The following ADCY2 variants were observed in gnomAD, a reference collection of about 807,000 sequenced individuals.
ADCY2 encodes adenylate cyclase type 2.
A neutral mutation model predicts 125.2 loss-of-function variants in ADCY2; 31 were observed. That is an observed-to-expected ratio of 0.25 (90% CI 0.19 to 0.33). ADCY2 has a LOEUF of 0.33. Among genes scored for constraint, ADCY2 ranks in the 10% least tolerant of loss-of-function variants. ADCY2 has a pLI of 1.00. For synonymous variants in ADCY2, 512 were observed against 548.4 expected, an observed-to-expected ratio of 0.93 and a Z score of 0.93; for missense variants, 904 against 1,418.2, an observed-to-expected ratio of 0.64 and a Z score of 5.82.
intron 4 of ADCY2, among the ~76,000 whole-genome samples, chr5:7,635,810 A>G (rs1236583219): frequency 6.6e-6 from 1 of 152,178 alleles, no homozygotes; most frequent in African/African-American, 2.4e-5. Flanking sequence ...AGAAAAATCA[A>G]CCAGTTATAT....
rs73051867 is a variant in ADCY2, at chr5:7,660,996, T to G, written c.721-29695T>G. Among the ~76,000 whole-genome samples, 347 of 152,286 alleles carry G rather than the reference T, an allele frequency of 2.3e-3. 1 individual carries two copies. Among genetic ancestry groups the G allele is most frequent in the African/African-American group, 8.0e-3 (333 of 41,560 alleles). Reference sequence around the variant, plus strand: ...AAGCAATGTAGAAACTCAAAAAATCTTCACTGCATGACTGGCTTCCCTAAG... The same window carrying G: ...AAGCAATGTAGAAACTCAAAAAATCGTCACTGCATGACTGGCTTCCCTAAG... On this transcript the variant is annotated intron_variant, in intron 4 of 24. Coordinates refer to ENST00000338316, the MANE Select transcript of ADCY2 (RefSeq NM_020546.3).
At chr5:7,544,281 CA>C (rs1255152634) in intron 3 of ADCY2, among the ~76,000 whole-genome samples, 1 of 152,152 alleles carries the variant, frequency 6.6e-6, no homozygotes, top group Non-Finnish European at 1.5e-5. Context: ...TGGCCTGAAA[CA>C]ATACACATTT....
chr5:7,803,607 G>C (rs1231793314), intron 21 of ADCY2, among the ~76,000 whole-genome samples: 2 of 152,164 alleles, frequency 1.3e-5, no homozygotes, highest in Admixed American at 1.3e-4. Context: ...ACAAGAAATA[G>C]TAGGGCTCGG....
At chr5:7,741,359 T>C (rs928793809) in intron 14 of ADCY2, among the ~76,000 whole-genome samples, 1 of 152,176 alleles carries the variant, frequency 6.6e-6, no homozygotes, top group Admixed American at 6.5e-5. Context: ...CTTCCCTGTG[T>C]ATCAGTTTCT....
chr5:7,535,486 T>G (rs1399918238), intron 3 of ADCY2, among the ~76,000 whole-genome samples: 2 of 152,218 alleles, frequency 1.3e-5, no homozygotes, highest in Non-Finnish European at 2.9e-5. Context: ...TAATAGGCAG[T>G]TCTTTCTTGT....
At chr5:7,625,785 C>T (rs1166451914) in intron 3 of ADCY2, among the ~76,000 whole-genome samples, 2 of 152,120 alleles carry the variant, frequency 1.3e-5, no homozygotes, top group Admixed American at 1.3e-4. Flanking sequence ...GTGGGCTACC[C>T]GGAAGTGTTC....
intron 2 of ADCY2, among the ~76,000 whole-genome samples, chr5:7,505,854 C>T (rs1012059205): frequency 1.2e-4 from 18 of 152,160 alleles, no homozygotes; most frequent in African/African-American, 2.9e-4. Context: ...TCATCTGAAG[C>T]GCTGGCCTTT....
chr5:7,820,733 G>A, intron 24 of ADCY2, 44 bp downstream of exon 24: 1 of 1,581,420 alleles, frequency 6.3e-7, no homozygotes. Flanking sequence ...AACCATGTCT[G>A]TTCTCTTGGG....
chr5:7,816,992 A>C lies in ADCY2; in HGVS notation c.2998+12A>C, dbSNP rs780527995. 2.9e-5 allele frequency: 47 copies of C among 1,604,156 alleles called. No individual in the cohort carries two copies. The East Asian group carries it at 1.0e-3, about 34-fold the overall frequency. ...CAAATTGCGAGTGGGTACGTTCTGC[A>C]AAAGAGGTCTCGGTTTCAGTTGTGG... On this transcript the variant is annotated intron_variant, in intron 23 of 24. Transcript: ENST00000338316.
chr5:7,674,081 G>GTC (rs1199589839), intron 4 of ADCY2, among the ~76,000 whole-genome samples: 1 of 1,498 alleles, frequency 6.7e-4, no homozygotes, highest in Non-Finnish European at 0.022. Flanking sequence ...CAGTCTCAGC[G>GTC]TGTGTCGTCA....
intron 3 of ADCY2, among the ~76,000 whole-genome samples, chr5:7,614,498 A>G (rs1388148292): frequency 2.0e-5 from 3 of 152,354 alleles, no homozygotes; most frequent in Admixed American, 1.3e-4. Flanking sequence ...TCCTGGAGAC[A>G]GAATCTTATC....
intron 3 of ADCY2, among the ~76,000 whole-genome samples, chr5:7,612,277 A>G (rs1561124769): frequency 6.6e-6 from 1 of 152,254 alleles, no homozygotes; most frequent in East Asian, 1.9e-4. Flanking sequence ...CTCAAGAAAG[A>G]CAAGTCTTTT....
At chr5:7,430,946 C>A (rs1006063073) in intron 2 of ADCY2, among the ~76,000 whole-genome samples, 5 of 152,038 alleles carry the variant, frequency 3.3e-5, no homozygotes, top group Non-Finnish European at 7.4e-5. Context: ...GTTAATTCTC[C>A]CCAAATTTAA....
intron 15 of ADCY2, among the ~76,000 whole-genome samples, chr5:7,754,338 G>A (rs1358062566): frequency 6.6e-6 from 1 of 152,066 alleles, no homozygotes; most frequent in Non-Finnish European, 1.5e-5. Context: ...GTAATAACTA[G>A]CTAATATTTT....
intron 24 of ADCY2, among the ~76,000 whole-genome samples, chr5:7,825,953 G>A (rs942498606): frequency 6.6e-6 from 1 of 152,198 alleles, no homozygotes; most frequent in African/African-American, 2.4e-5. Context: ...TCAGCTGCCG[G>A]GTCCCTCGCC....
chr5:7,450,077 A>G (rs763971488), intron 2 of ADCY2, among the ~76,000 whole-genome samples: 2 of 152,190 alleles, frequency 1.3e-5, no homozygotes, highest in Non-Finnish European at 2.9e-5. Context: ...AATTAGGCCA[A>G]TTAATAACCC....
intron 4 of ADCY2, among the ~76,000 whole-genome samples, chr5:7,679,497 AC>A (rs1740252338): frequency 1.3e-5 from 2 of 152,130 alleles, no homozygotes; most frequent in Non-Finnish European, 2.9e-5. Flanking sequence ...GAAAAGGAGG[AC>A]AGGAGGAGAG....
chr5:7,719,995 T>C (rs1561186243), intron 12 of ADCY2, among the ~76,000 whole-genome samples: 1 of 147,774 alleles, frequency 6.8e-6, no homozygotes, highest in African/African-American at 2.5e-5. Context: ...TTTCCTTTAG[T>C]TTCCGTAACC....
At chr5:7,728,326 A>G (rs956447880) in intron 14 of ADCY2, among the ~76,000 whole-genome samples, 4 of 152,120 alleles carry the variant, frequency 2.6e-5, no homozygotes, top group Non-Finnish European at 5.9e-5. Flanking sequence ...TTGGGATACA[A>G]GTGGTTTTTG....
Sources: allele counts gnomAD v4.1 joint callset (sites outside exome capture counted in the v4.1 genomes callset), GRCh38; gene constraint gnomAD v4.1.1; transcripts MANE v1.5; gene names NCBI Gene and HGNC (gene_info 2026-07-23, HGNC 2026-07-21).